Variants in MRPL44 observed in about 807,000 individuals in gnomAD.
The protein encoded by MRPL44 is large ribosomal subunit protein mL44.
A neutral mutation model predicts 25.9 loss-of-function variants in MRPL44; 21 were observed. That is an observed-to-expected ratio of 0.81 (90% CI 0.58 to 1.17). The LOEUF (loss-of-function observed/expected upper bound fraction) is 1.17, where lower values mean the gene tolerates loss of function less well. Ranked by LOEUF, MRPL44 falls within the 50% of genes most tolerant of loss-of-function variation. The pLI is 0.00. For missense variants in MRPL44, 410 were observed against 398.9 expected, an observed-to-expected ratio of 1.03 and a Z score of -0.24; for synonymous variants, 169 against 151.0, an observed-to-expected ratio of 1.12 and a Z score of -0.87.
At chr2:223,963,252 G>C (rs1207738961) in intron 2 of MRPL44, among the ~76,000 whole-genome samples, 7 of 152,008 alleles carry the variant, frequency 4.6e-5, no homozygotes, top group African/African-American at 1.4e-4. Context: ...AGACTAGGCT[G>C]GGCAACTTAT....
At position 223,959,957 on chromosome 2, in the gene MRPL44, C is replaced by T; in HGVS notation, c.603C>T (p.Ala201=). Reference sequence around the variant, plus strand: ...AGACTTTCTTTGCAGTTATTGGAGCCCTGTTACAGAGCAGTGGACCTGAGA... The same window carrying T: ...AGACTTTCTTTGCAGTTATTGGAGCTCTGTTACAGAGCAGTGGACCTGAGA... ...LQQTFFAVIG[A]LLQSSGPERT... The change falls in exon 2 of 4, where the codon GCC becomes GCT. Residue 201 remains alanine, a synonymous_variant. Transcript: ENST00000258383. The T allele has an allele frequency of 6.2e-7, 1 of 1,614,086 alleles. No homozygotes were observed. The highest frequency in any genetic ancestry group is 8.5e-7 in the Non-Finnish European group (1 of 1,180,014).
intron 2 of MRPL44, among the ~76,000 whole-genome samples, chr2:223,960,761 C>T (rs1325596455): frequency 6.6e-6 from 1 of 152,114 alleles, no homozygotes; most frequent in Non-Finnish European, 1.5e-5. Context: ...TATCTTTCTC[C>T]CCCCAGTTAG....
upstream of MRPL44, chr2:223,957,257 A>C (rs574119375): frequency 1.8e-5 from 11 of 610,960 alleles, no homozygotes; most frequent in African/African-American, 1.5e-4. Flanking sequence ...ACTCGAAGAG[A>C]GGAGAGAACT....
intron 1 of MRPL44, 134 bp downstream of exon 1, chr2:223,957,785 C>G: frequency 9.3e-7 from 1 of 1,075,656 alleles, no homozygotes; most frequent in Non-Finnish European, 1.3e-6. Flanking sequence ...CACCCGTGAG[C>G]TGTGGGCGCG....
At chr2:223,951,477 A>AGTTTTTTTTTGTTTTGTTTT in the MRPL44 span, among the ~76,000 whole-genome samples, 2 of 62,624 alleles carry the variant, frequency 3.2e-5, no homozygotes, top group African/African-American at 1.1e-4. Context: ...CTTACCTTGG[A>AGTTTTTTTTTGTTTTGTTTT]GTTTTTTTTT....
rs1418392731 is a variant in MRPL44 at position 223,963,892 on chromosome 2, GT to G, written c.786del (p.Gly263AlafsTer18). 1.2e-6 allele frequency: 2 copies of G among 1,613,560 alleles called. No individual in the cohort carries two copies. The highest frequency in any genetic ancestry group is 2.7e-5 in the African/African-American group (2 of 74,888). ...GAATCAAGACTTACTAGGCAGTCTGGTGGCACCACAGCTTTGCCTTTGTATT... is the reference window on the plus strand; with the variant it reads ...GAATCAAGACTTACTAGGCAGTCTGGGGCACCACAGCTTTGCCTTTGTATT... Reference protein sequence around the residue: ...APESRLTRQSGGTTALPLYFV... With the variant: ...APESRLTRQSXGTTALPLYFV... On this transcript the variant is annotated frameshift_variant, in exon 3 of 4. Coordinates refer to ENST00000258383, the MANE Select transcript of MRPL44 (RefSeq NM_022915.5). LOFTEE classifies it high-confidence loss of function.
rs575262289 is a variant in MRPL44, at chr2:223,967,295, C to T, written c.*261C>T. 4.1e-5 allele frequency: 12 copies of T among 294,144 alleles called. No homozygotes were observed. The South Asian group carries it at 5.2e-4, about 13-fold the overall frequency. The allele number at this position is 294,144 out of a possible 1,614,324, so 18.2% of individuals were successfully genotyped here. Reference sequence around the variant, plus strand: ...TCGCCCAGGCTGGACTGCAGTGGTGCGATCTCGGCTCACTGCAACCTCCAC... The same window carrying T: ...TCGCCCAGGCTGGACTGCAGTGGTGTGATCTCGGCTCACTGCAACCTCCAC... On this transcript the variant is annotated 3_prime_UTR_variant, in exon 4 of 4. Transcript: ENST00000258383.
chr2:223,961,494 G>A (rs1689660850), intron 2 of MRPL44, among the ~76,000 whole-genome samples: 1 of 152,198 alleles, frequency 6.6e-6, no homozygotes, highest in South Asian at 2.1e-4. Context: ...CAAATTCTCA[G>A]GCACCCCCTC....
Position 223,959,969 on chromosome 2 carries a change from C to A in MRPL44, c.615C>A (p.Ser205Arg). Residue 205 changes from serine (S) to arginine (R), a missense_variant, in exon 2 of 4, where the codon AGC becomes AGA. Ser to Arg is a moderately radical substitution (Grantham distance 110, BLOSUM62 -1). Coordinates refer to ENST00000258383, the MANE Select transcript of MRPL44 (RefSeq NM_022915.5). The stretch of plus-strand genomic sequence containing the variant: ...CAGTTATTGGAGCCCTGTTACAGAG[C>A]AGTGGACCTGAGAGGACTGCACTTT... Reference protein sequence around the residue: ...FFAVIGALLQSSGPERTALFI... With the variant: ...FFAVIGALLQRSGPERTALFI... The A allele has an allele frequency of 6.2e-7, 1 of 1,614,018 alleles. No individual in the cohort carries two copies. Among genetic ancestry groups the A allele is most frequent in the Non-Finnish European group, 8.5e-7 (1 of 1,179,932 alleles).
At chr2:223,966,654 A>G (rs955014864) in intron 3 of MRPL44, among the ~76,000 whole-genome samples, 3 of 152,248 alleles carry the variant, frequency 2.0e-5, no homozygotes, top group Admixed American at 6.5e-5. Flanking sequence ...TTCTAAGGAA[A>G]CGTAAGTGTA....
intron 1 of MRPL44, among the ~76,000 whole-genome samples, chr2:223,959,333 T>C (rs1217461785): frequency 6.6e-6 from 1 of 152,236 alleles, no homozygotes; most frequent in African/African-American, 2.4e-5. Flanking sequence ...TCCAGTCATA[T>C]ATGTAGAATA....
chr2:223,953,595 A>G (rs1015101449), upstream of MRPL44, among the ~76,000 whole-genome samples: 1 of 152,244 alleles, frequency 6.6e-6, no homozygotes, highest in Non-Finnish European at 1.5e-5. Flanking sequence ...AGACTGAAAA[A>G]GAAGTCTACA....
chr2:223,967,247 T>C lies in MRPL44; in HGVS notation c.*213T>C. On this transcript the variant is annotated 3_prime_UTR_variant, in exon 4 of 4. Transcript: ENST00000258383. Reference sequence around the variant, plus strand: ...GTTTGATCAAATCTTTTTTTTTTTCTCTTGAGATGGAGTCTTACTCTGTCG... The same window carrying C: ...GTTTGATCAAATCTTTTTTTTTTTCCCTTGAGATGGAGTCTTACTCTGTCG... 1.9e-6 allele frequency: 1 copy of C among 519,454 alleles called. No individual in the cohort carries two copies. Among genetic ancestry groups the C allele is most frequent in the African/African-American group, 2.0e-5 (1 of 50,748 alleles). The allele number at this position is 519,454 out of a possible 1,614,324, so 32.2% of individuals were successfully genotyped here.
the MRPL44 span, among the ~76,000 whole-genome samples, chr2:223,951,062 G>C: frequency 6.6e-6 from 1 of 152,328 alleles, no homozygotes; most frequent in Non-Finnish European, 1.5e-5. Context: ...CTGACTCTAT[G>C]AGGTAGGAGG....
chr2:223,953,928 C>A (rs1226356885), upstream of MRPL44, among the ~76,000 whole-genome samples: 1 of 152,170 alleles, frequency 6.6e-6, no homozygotes, highest in African/African-American at 2.4e-5. Flanking sequence ...TTTTTATAAC[C>A]CTTTAAAATA....
At position 223,963,859 on chromosome 2, in the gene MRPL44, C is replaced by G; in HGVS notation, c.752C>G (p.Ser251Ter). ...GAAGAACTGAAGAAAAGGAATGTTT[C>G]AGCTCCTGAATCAAGACTTACTAGG... ...LVEELKKRNV[S>*]APESRLTRQS... Residue 251 changes from serine to a stop codon, truncating the protein, a stop_gained, in exon 3 of 4, where the codon TCA becomes TGA. Coordinates refer to ENST00000258383, the MANE Select transcript of MRPL44 (RefSeq NM_022915.5). LOFTEE classifies it high-confidence loss of function. The G allele has an allele frequency of 6.2e-7, 1 of 1,613,944 alleles. No individual in the cohort carries two copies. Among genetic ancestry groups the G allele is most frequent in the South Asian group, 1.1e-5 (1 of 91,082 alleles).
At chr2:223,960,824 C>T (rs1454984340) in intron 2 of MRPL44, among the ~76,000 whole-genome samples, 2 of 152,180 alleles carry the variant, frequency 1.3e-5, no homozygotes, top group African/African-American at 2.4e-5. Context: ...AACTATAACT[C>T]TGTGGAGTAA....
chr2:223,957,425 A>G (rs549635226), upstream of MRPL44: 5 of 1,609,628 alleles, frequency 3.1e-6, no homozygotes, highest in Admixed American at 3.3e-5. Context: ...TTACGGGGAC[A>G]CTGGCCCGAC....
intron 3 of MRPL44, among the ~76,000 whole-genome samples, chr2:223,966,337 T>C (rs1231666569): frequency 6.6e-6 from 1 of 152,162 alleles, no homozygotes; most frequent in Non-Finnish European, 1.5e-5. Context: ...AAAGTTTAAA[T>C]GACAGACTCA....
Sources: gnomAD v4.1 joint callset for allele counts (sites outside exome capture counted in the v4.1 genomes callset) on GRCh38, gnomAD v4.1.1 for gene constraint, MANE v1.5 for transcripts, NCBI Gene and HGNC (gene_info 2026-07-23, HGNC 2026-07-21) for gene names.